Variants in NRG1 observed in about 807,000 individuals in gnomAD.
The protein encoded by NRG1 is neuregulin 1.
NRG1 carries 18 observed loss-of-function variants against 63.8 expected under a neutral mutation model. The ratio of observed to expected loss-of-function variants is 0.28; its 90% CI spans 0.19 to 0.42. The LOEUF (loss-of-function observed/expected upper bound fraction) is 0.42, where lower values mean the gene tolerates loss of function less well. Among genes scored for constraint, NRG1 ranks in the 10% least tolerant of loss-of-function variants. NRG1 has a pLI of 1.00. For missense variants in NRG1, 762 were observed against 814.7 expected, an observed-to-expected ratio of 0.94 and a Z score of 0.79; for synonymous variants, 302 against 301.3, an observed-to-expected ratio of 1.00 and a Z score of -0.02.
intron 1 of NRG1, among the ~76,000 whole-genome samples, chr8:31,663,475 T>A (rs182841454): frequency 6.6e-6 from 1 of 152,276 alleles, no homozygotes; most frequent in East Asian, 1.9e-4. Flanking sequence ...GGGAGCCCAT[T>A]ATGTACTTAG....
At chr8:32,740,581 C>T (rs1428344462) in intron 6 of NRG1, among the ~76,000 whole-genome samples, 5 of 152,022 alleles carry the variant, frequency 3.3e-5, no homozygotes, top group Admixed American at 2.0e-4. Flanking sequence ...AAAAATAATC[C>T]GTTTACTTAT....
At chr8:32,717,965 G>A (rs1054499159) in intron 5 of NRG1, among the ~76,000 whole-genome samples, 4 of 152,162 alleles carry the variant, frequency 2.6e-5, no homozygotes, top group African/African-American at 9.7e-5. Context: ...TTCCTGGAGT[G>A]AAGATGCTTC....
chr8:32,666,012 T>G (rs1268026712), intron 5 of NRG1, among the ~76,000 whole-genome samples: 2 of 152,202 alleles, frequency 1.3e-5, no homozygotes, highest in African/African-American at 4.8e-5. Flanking sequence ...AGAATTCCAG[T>G]TTCCATTACT....
chr8:32,125,401 C>T (rs1241945559), intron 1 of NRG1, among the ~76,000 whole-genome samples: 3 of 151,814 alleles, frequency 2.0e-5, no homozygotes, highest in African/African-American at 7.3e-5. Context: ...GTTATCTTTC[C>T]CTGAGTCATT....
rs375875339 is a variant in NRG1, at chr8:32,580,609, A to G, written c.101-15219A>G. ...ATGTAAAATGAGGCTTAGAGAATTT[A>G]AATAATTTGTCCAAGGTCAAACAAC... On this transcript the variant is annotated intron_variant, in intron 1 of 11. Coordinates refer to ENST00000356819, the Ensembl canonical transcript of NRG1. 7.2e-5 allele frequency among the ~76,000 whole-genome samples: 11 copies of G among 152,280 alleles called. No homozygotes were observed. In the East Asian group the frequency reaches 7.7e-4, roughly 11 times the overall value.
At chr8:32,318,819 T>G (rs1330357795) in intron 1 of NRG1, among the ~76,000 whole-genome samples, 1 of 152,182 alleles carries the variant, frequency 6.6e-6, no homozygotes, top group Non-Finnish European at 1.5e-5. Flanking sequence ...TTACACCTGG[T>G]CAATCAAGTT....
intron 1 of NRG1, among the ~76,000 whole-genome samples, chr8:32,399,405 T>A (rs1812870595): frequency 6.6e-6 from 1 of 152,216 alleles, no homozygotes; most frequent in Admixed American, 6.5e-5. Context: ...AAAAAAGTTT[T>A]GGGGTTAGGG....
At chr8:32,195,072 A>G (rs1235195274) in intron 1 of NRG1, among the ~76,000 whole-genome samples, 1 of 152,142 alleles carries the variant, frequency 6.6e-6, no homozygotes, top group Non-Finnish European at 1.5e-5. Flanking sequence ...CATTTTCAGG[A>G]ACACTTCAGA....
chr8:32,591,497 C>T (rs769348333), intron 1 of NRG1, among the ~76,000 whole-genome samples: 2 of 151,992 alleles, frequency 1.3e-5, no homozygotes, highest in Non-Finnish European at 2.9e-5. Context: ...ATATGGACCC[C>T]AAAAGGAAAG....
chr8:32,392,497 T>C (rs1439677232), intron 1 of NRG1, among the ~76,000 whole-genome samples: 1 of 152,212 alleles, frequency 6.6e-6, no homozygotes, highest in Non-Finnish European at 1.5e-5. Context: ...TCCTCCTAAA[T>C]GAAGGAGTTG....
intron 1 of NRG1, among the ~76,000 whole-genome samples, chr8:32,200,430 T>G (rs551819693): frequency 6.6e-6 from 1 of 152,222 alleles, no homozygotes; most frequent in African/African-American, 2.4e-5. Flanking sequence ...TTTAACCGTT[T>G]TGTCTGTTCT....
chr8:32,076,765 C>T (rs1463656479), intron 1 of NRG1, among the ~76,000 whole-genome samples: 1 of 151,362 alleles, frequency 6.6e-6, no homozygotes. Context: ...CTTTGAGGTA[C>T]AACCACGTGA....
chr8:31,831,570 A>C (rs1825166613), intron 1 of NRG1, among the ~76,000 whole-genome samples: 1 of 152,234 alleles, frequency 6.6e-6, no homozygotes, highest in Non-Finnish European at 1.5e-5. Context: ...TAGTCATACC[A>C]TGTGAAACCT....
chr8:31,718,400 T>G (rs1470666086), intron 1 of NRG1, among the ~76,000 whole-genome samples: 1 of 152,212 alleles, frequency 6.6e-6, no homozygotes. Context: ...TTTAATGCAC[T>G]CAGTCACCCA....
intron 6 of NRG1, among the ~76,000 whole-genome samples, chr8:32,737,643 C>T (rs1825406378): frequency 6.7e-6 from 1 of 149,150 alleles, no homozygotes; most frequent in African/African-American, 2.5e-5. Context: ...TTGACCTGTG[C>T]TTGCAAATCA....
intron 1 of NRG1, among the ~76,000 whole-genome samples, chr8:32,205,120 G>A (rs1843899159): frequency 6.6e-6 from 1 of 152,182 alleles, no homozygotes; most frequent in Admixed American, 6.6e-5. Context: ...AAATGGCTTA[G>A]AGGCTTAGAG....
Position 31,710,130 on chromosome 8 carries a change from TATATC to T in NRG1, c.37+70701_37+70705del, listed in dbSNP as rs558689292. Reference sequence around the variant, plus strand: ...TTTCCATTAATATTATATATTCAGATATATCAGATTGCATAACTCTTTGAAGAGGG... The same window carrying T: ...TTTCCATTAATATTATATATTCAGATAGATTGCATAACTCTTTGAAGAGGG... On this transcript the variant is annotated intron_variant, in intron 1 of 10. Coordinates refer to the NRG1 transcript ENST00000519301. Among the ~76,000 whole-genome samples, 219 of 151,972 alleles carry T rather than the reference TATATC, an allele frequency of 1.4e-3. 5 individuals carry two copies. Among genetic ancestry groups the T allele is most frequent in the Non-Finnish European group, 5.9e-5 (4 of 67,830 alleles).
intron 1 of NRG1, among the ~76,000 whole-genome samples, chr8:32,196,065 C>T (rs1421576779): frequency 6.6e-6 from 1 of 151,522 alleles, no homozygotes; most frequent in Non-Finnish European, 1.5e-5. Context: ...TACTTTTGTA[C>T]TAACCTAATA....
intron 1 of NRG1, among the ~76,000 whole-genome samples, chr8:32,368,674 C>T (rs1808406582): frequency 6.6e-6 from 1 of 152,154 alleles, no homozygotes; most frequent in Admixed American, 6.6e-5. Context: ...GACAGAGTAG[C>T]CAATTTTGTA....
Sources: allele counts gnomAD v4.1 joint callset (sites outside exome capture counted in the v4.1 genomes callset), GRCh38; gene constraint gnomAD v4.1.1; transcripts MANE v1.5; gene names NCBI Gene and HGNC (gene_info 2026-07-23, HGNC 2026-07-21).